Variants in EYS observed in about 807,000 individuals in gnomAD.
EYS encodes EGF-like photoreceptor maintenance factor, also known as protein eyes shut homolog.
EYS carries 250 observed loss-of-function variants against 282.1 expected under a neutral mutation model. The ratio of observed to expected loss-of-function variants is 0.89; its 90% CI spans 0.80 to 0.98. EYS has a LOEUF of 0.98. Ranked by LOEUF, EYS falls within the 50% of genes least tolerant of loss-of-function variation. The pLI, the probability that EYS is intolerant of heterozygous loss-of-function variation, is 0.00. For missense variants in EYS, 4,016 were observed against 3,709.0 expected (o/e 1.08, Z -2.15); for synonymous variants, 1,355 against 1,282.9 (o/e 1.06, Z -1.20).
chr6:65,074,656 G>C (rs1360025489), intron 12 of EYS, among the ~76,000 whole-genome samples: 1 of 152,028 alleles, frequency 6.6e-6, no homozygotes, highest in African/African-American at 2.4e-5. Context: ...TAATATCAAT[G>C]TCAAACACAG....
chr6:64,000,365 T>A (rs539632923), intron 33 of EYS, among the ~76,000 whole-genome samples: 2 of 151,024 alleles, frequency 1.3e-5, no homozygotes, highest in South Asian at 4.2e-4. Context: ...CTAATTTTTT[T>A]TTGTATTTTT....
intron 8 of EYS, among the ~76,000 whole-genome samples, chr6:65,377,991 A>G (rs924872534): frequency 4.6e-5 from 7 of 152,154 alleles, no homozygotes; most frequent in Non-Finnish European, 8.8e-5. Flanking sequence ...AGGAGCTGGG[A>G]CCATTCCTTC....
At chr6:64,176,082 G>A (rs1764625125) in intron 31 of EYS, among the ~76,000 whole-genome samples, 1 of 152,060 alleles carries the variant, frequency 6.6e-6, no homozygotes, top group Non-Finnish European at 1.5e-5. Context: ...TTAGAGTAAA[G>A]GCAGATGGCA....
chr6:64,960,453 A>C (rs1322423952), intron 14 of EYS, among the ~76,000 whole-genome samples: 3 of 152,166 alleles, frequency 2.0e-5, no homozygotes, highest in Non-Finnish European at 4.4e-5. Flanking sequence ...GTCACTGAAT[A>C]CAGTGTTTTG....
chr6:65,394,451 G>C (rs9342473), intron 7 of EYS, among the ~76,000 whole-genome samples: 41,161 of 151,818 alleles, frequency 0.27, 5,827 homozygotes, highest in Middle Eastern at 0.35. Context: ...GGAAGCATCA[G>C]TGGAGCTGTG....
At chr6:63,758,923 A>G (rs1172245891) in intron 41 of EYS, among the ~76,000 whole-genome samples, 1 of 152,074 alleles carries the variant, frequency 6.6e-6, no homozygotes, top group African/African-American at 2.4e-5. Context: ...GTAGCAACCA[A>G]GTCCTATTTG....
intron 22 of EYS, among the ~76,000 whole-genome samples, chr6:64,644,542 A>G (rs1443205867): frequency 6.6e-6 from 1 of 152,200 alleles, no homozygotes; most frequent in Non-Finnish European, 1.5e-5. Flanking sequence ...TATAAACTAT[A>G]TTCATAAGAA....
intron 29 of EYS, among the ~76,000 whole-genome samples, chr6:64,329,787 C>G (rs1024527982): frequency 5.9e-5 from 9 of 152,142 alleles, no homozygotes; most frequent in African/African-American, 2.2e-4. Flanking sequence ...CCAGCCGGTA[C>G]AGGATTTATG....
chr6:64,473,866 A>T (rs902464136), intron 26 of EYS, among the ~76,000 whole-genome samples: 2 of 152,190 alleles, frequency 1.3e-5, no homozygotes, highest in African/African-American at 2.4e-5. Context: ...TTGGTTTCAG[A>T]AAAATTTTGT....
chr6:63,934,906 A>G (rs1765011286), intron 35 of EYS, among the ~76,000 whole-genome samples: 1 of 152,048 alleles, frequency 6.6e-6, no homozygotes, highest in South Asian at 2.1e-4. Context: ...TAATAAAAAA[A>G]TAAAAATAAC....
At chr6:64,993,571 T>A (rs1269137666) in intron 14 of EYS, among the ~76,000 whole-genome samples, 1 of 108,790 alleles carries the variant, frequency 9.2e-6, no homozygotes, top group African/African-American at 3.7e-5. Flanking sequence ...CACTGGGGTC[T>A]CTTGTGGGGT....
At chr6:65,580,218 A>G (rs1334574088) in intron 2 of EYS, among the ~76,000 whole-genome samples, 1 of 152,162 alleles carries the variant, frequency 6.6e-6, no homozygotes, top group Non-Finnish European at 1.5e-5. Context: ...AATTCAGCAA[A>G]AGTGGAGTGT....
intron 26 of EYS, among the ~76,000 whole-genome samples, chr6:64,574,458 A>G (rs928760172): frequency 2.6e-5 from 4 of 152,144 alleles, no homozygotes; most frequent in Non-Finnish European, 5.9e-5. Context: ...ATTTTCAGTT[A>G]AGCTGTGGTT....
intron 30 of EYS, among the ~76,000 whole-genome samples, chr6:64,278,899 C>T (rs1344498536): frequency 1.3e-5 from 2 of 152,090 alleles, no homozygotes; most frequent in Admixed American, 6.6e-5. Context: ...GCTACAGGCA[C>T]ATGCCACCAT....
intron 29 of EYS, among the ~76,000 whole-genome samples, chr6:64,370,931 C>A (rs1428058427): frequency 1.3e-5 from 2 of 151,966 alleles, no homozygotes; most frequent in Non-Finnish European, 2.9e-5. Flanking sequence ...GTCTAGCTAG[C>A]AGTCTATCTA....
At chr6:64,730,565 G>A (rs771017488) in intron 22 of EYS, among the ~76,000 whole-genome samples, 1 of 152,102 alleles carries the variant, frequency 6.6e-6, no homozygotes, top group South Asian at 2.1e-4. Flanking sequence ...TGCAACCTCA[G>A]CCTCCCAGGT....
rs1370853057 is a variant in EYS, at chr6:64,066,498, G to GA, written c.6572-8dup. ...CCACAATTATTCCCATTACCTTTAA[G>GA]AAAAAAAGAATATATTAGTAATTAT... On this transcript the variant is annotated splice_region_variant and splice_polypyrimidine_tract_variant and intron_variant, in intron 32 of 42. Coordinates refer to ENST00000503581, the MANE Select transcript of EYS (RefSeq NM_001142800.2). 7 of 1,464,146 alleles carry GA rather than the reference G, an allele frequency of 4.8e-6. No homozygotes were observed. Among genetic ancestry groups the GA allele is most frequent in the African/African-American group, 1.4e-5 (1 of 70,206 alleles). The allele number at this position is 1,464,146 out of a possible 1,614,324, so 90.7% of individuals were successfully genotyped here. A position where few individuals can be genotyped will look rare whatever the true frequency, so the allele number is the denominator to read the frequency against.
At chr6:63,758,051 G>A (rs1425297072) in intron 41 of EYS, among the ~76,000 whole-genome samples, 2 of 151,894 alleles carry the variant, frequency 1.3e-5, no homozygotes, top group African/African-American at 2.4e-5. Context: ...AGGCATGCAC[G>A]AACACACCTG....
At chr6:63,929,015 T>C (rs975625843) in intron 35 of EYS, among the ~76,000 whole-genome samples, 2 of 152,200 alleles carry the variant, frequency 1.3e-5, no homozygotes, top group African/African-American at 4.8e-5. Flanking sequence ...TGAGGCTAAC[T>C]GAAACATGCA....
Sources: allele counts gnomAD v4.1 joint callset (sites outside exome capture counted in the v4.1 genomes callset), GRCh38; gene constraint gnomAD v4.1.1; transcripts MANE v1.5; gene names NCBI Gene and HGNC (gene_info 2026-07-23, HGNC 2026-07-21).